MICA: variants seen among roughly 807,000 people sequenced by gnomAD.
MICA encodes the protein HLA class I antigen.
Under a neutral mutation model 34.3 loss-of-function variants are expected in MICA, and 18 were observed. That is an observed-to-expected ratio of 0.52 (90% CI 0.36 to 0.78). The LOEUF is 0.78. MICA is among the 30% of genes least tolerant of loss of function. The pLI, the probability that MICA is intolerant of heterozygous loss-of-function variation, is 0.00. For synonymous variants in MICA, 135 were observed against 156.9 expected (o/e 0.86, Z 1.04); for missense variants, 333 against 409.4 (o/e 0.81, Z 1.61).
chr6:31,404,986 C>G (rs1770672409), intron 1 of MICA, among the ~76,000 whole-genome samples: 1 of 151,648 alleles, frequency 6.6e-6, no homozygotes, highest in Non-Finnish European at 1.5e-5. Context: ...TCTCATCTTT[C>G]AGTGGGAAAG....
chr6:31,410,480 G>A (rs144888775), intron 1 of MICA, 63 bp from the exon 2 acceptor site: 59,825 of 1,580,352 alleles, frequency 0.038, 1,550 homozygotes, highest in African/African-American at 0.061. Flanking sequence ...AGACCTGTGT[G>A]TTAAACATCA....
At chr6:31,402,853 T>G (rs1373824823), upstream of MICA, among the ~76,000 whole-genome samples, 1 of 151,666 alleles carries the variant, frequency 6.6e-6, no homozygotes, top group Admixed American at 6.6e-5. Flanking sequence ...TGGAGAGAGC[T>G]TGGTGTTGTA....
intron 1 of MICA, among the ~76,000 whole-genome samples, chr6:31,407,508 T>A (rs1770814655): frequency 6.6e-6 from 1 of 151,976 alleles, no homozygotes; most frequent in Admixed American, 6.6e-5. Flanking sequence ...AGTGCTGGGA[T>A]TACAGGCATG....
chr6:31,412,314 C>T lies in MICA; in HGVS notation c.893-11C>T, dbSNP rs758015431. 23 of 1,600,688 alleles carry T rather than the reference C, an allele frequency of 1.4e-5. No individual in the cohort carries two copies. The highest frequency in any genetic ancestry group is 2.6e-6 in the Non-Finnish European group (3 of 1,175,720). ...TCTCTGCCCAGTGTATAACAAGTCC[C>T]TTTTTTTCAGGGAAAGTGCTGGTGC... is the stretch of plus-strand genomic sequence containing the variant. On this transcript the variant is annotated splice_polypyrimidine_tract_variant and intron_variant, in intron 4 of 5. Transcript: ENST00000449934.
chr6:31,412,429 T>TAAGAAGAAAACA lies in MICA; in HGVS notation c.998_*10dup. On this transcript the variant is annotated inframe_insertion and stop_retained_variant, in exon 5 of 6. Coordinates refer to ENST00000449934, the MANE Select transcript of MICA (RefSeq NM_001177519.3). ...TTATTATTTTCTATGTCCGTTGTTG[T>TAAGAAGAAAACA]AAGAAGAAAACATCAGCTGCAGAGG... The TAAGAAGAAAACA allele has an allele frequency of 6.4e-7, 1 of 1,572,014 alleles. No homozygotes were observed. Among genetic ancestry groups the TAAGAAGAAAACA allele is most frequent in the Non-Finnish European group, 8.6e-7 (1 of 1,158,430 alleles).
rs1771174073 is a variant in MICA at position 31,411,849 on chromosome 6, C to T, written c.614-98C>T. The stretch of plus-strand genomic sequence containing the variant: ...CTTGCAGGTCAGGGGTCCCGGAGGG[C>T]TTCAGCCAGAGTGAGAACAGTGAAG... On this transcript the variant is annotated intron_variant, in intron 3 of 5. Transcript: ENST00000449934. This position sits in a 1 kb window ranked among gnomAD's most constrained non-coding sequence, Gnocchi z 4.3. 6.7e-7 allele frequency: 1 copy of T among 1,495,732 alleles called. No individual in the cohort carries two copies. The allele number at this position is 1,495,732 out of a possible 1,614,324, so 92.7% of individuals were successfully genotyped here.
intron 5 of MICA, among the ~76,000 whole-genome samples, chr6:31,413,227 G>A (rs1225688313): frequency 6.6e-6 from 1 of 151,800 alleles, no homozygotes; most frequent in Non-Finnish European, 1.5e-5. Context: ...GATGTCCCTG[G>A]GCCATTTGAG....
chr6:31,410,448 G>C lies in MICA; in HGVS notation c.71-95G>C, dbSNP rs572740953. 9.4e-5 allele frequency: 105 copies of C among 1,113,492 alleles called. No homozygotes were observed. In the Middle Eastern group the frequency reaches 2.0e-3, roughly 21 times the overall value. The allele number at this position is 1,113,492 out of a possible 1,614,324, so 69.0% of individuals were successfully genotyped here. Reference sequence around the variant, plus strand: ...GTCCCTTTGCCCGTGTGCATTTCCTGCCCCAGGAAGGTTGGGACAGCAGAC... The same window carrying C: ...GTCCCTTTGCCCGTGTGCATTTCCTCCCCCAGGAAGGTTGGGACAGCAGAC... On this transcript the variant is annotated intron_variant, in intron 1 of 5. Coordinates refer to ENST00000449934, the MANE Select transcript of MICA (RefSeq NM_001177519.3).
Position 31,412,024 on chromosome 6 carries a change from T to A in MICA, c.691T>A (p.Tyr231Asn). The change falls in exon 4 of 6, where the codon TAT becomes AAT. Residue 231 changes from tyrosine (Y) to asparagine (N), a missense_variant. Coordinates refer to ENST00000449934, the MANE Select transcript of MICA (RefSeq NM_001177519.3). The part of the protein sequence containing the change: ...ITVTCRASSF[Y>N]PRNIILTWRQ... ...CGTGACATGCAGGGCTTCCAGCTTC[T>A]ATCCCCGGAATATCATACTGACCTG... 6.2e-7 allele frequency: 1 copy of A among 1,613,144 alleles called. No individual in the cohort carries two copies. Among genetic ancestry groups the A allele is most frequent in the East Asian group, 2.2e-5 (1 of 44,828 alleles).
chr6:31,401,947 G>C (rs36223705), upstream of MICA, among the ~76,000 whole-genome samples: 436 of 151,916 alleles, frequency 2.9e-3, 14 homozygotes, highest in East Asian at 0.051. Context: ...GTGCGTTGGG[G>C]ACAAGGCAAT....
intron 1 of MICA, among the ~76,000 whole-genome samples, chr6:31,405,466 G>A (rs1770700302): frequency 6.6e-6 from 1 of 151,228 alleles, no homozygotes; most frequent in African/African-American, 2.4e-5. Flanking sequence ...ATATTTATGG[G>A]GTACATGGGA....
At chr6:31,408,563 C>T (rs1366607060) in intron 1 of MICA, among the ~76,000 whole-genome samples, 3 of 151,870 alleles carry the variant, frequency 2.0e-5, no homozygotes, top group East Asian at 1.9e-4. Flanking sequence ...GCCCATTAAT[C>T]GGTAACTCCC....
intron 2 of MICA, 131 bp from the exon 3 acceptor site, chr6:31,410,941 G>A: frequency 1.4e-6 from 2 of 1,467,668 alleles, no homozygotes; most frequent in Non-Finnish European, 1.8e-6. Context: ...GCAGGGAGGT[G>A]AGCCGGCACT....
chr6:31,407,975 G>C (rs1202081233), intron 1 of MICA, among the ~76,000 whole-genome samples: 3 of 151,846 alleles, frequency 2.0e-5, no homozygotes. Flanking sequence ...TATGTTACTA[G>C]CTGTGAGTTT....
At chr6:31,409,319 G>GTT (rs1267674447) in intron 1 of MICA, among the ~76,000 whole-genome samples, 1 of 151,538 alleles carries the variant, frequency 6.6e-6, no homozygotes, top group African/African-American at 2.4e-5. Flanking sequence ...CTGTGTGTGT[G>GTT]TGTATGTGTG....
chr6:31,401,360 A>C (rs1199872149), upstream of MICA, among the ~76,000 whole-genome samples: 4 of 151,956 alleles, frequency 2.6e-5, no homozygotes, highest in African/African-American at 9.7e-5. Flanking sequence ...TTACATTTTC[A>C]TCCACAGAAA....
intron 1 of MICA, among the ~76,000 whole-genome samples, chr6:31,407,300 G>C (rs1477531223): frequency 1.3e-5 from 2 of 151,944 alleles, no homozygotes; most frequent in Non-Finnish European, 2.9e-5. Context: ...GCAAGGGTGT[G>C]ATCTTGGCTC....
chr6:31,412,249 A>G, intron 4 of MICA, 24 bp downstream of exon 4: 1 of 1,606,434 alleles, frequency 6.2e-7, no homozygotes, highest in Non-Finnish European at 8.5e-7. Flanking sequence ...GACCCTGGAG[A>G]GGGTCAGGCC....
rs142846501 is a variant in MICA, at chr6:31,414,104, C to T, written c.*30-908C>T. The stretch of plus-strand genomic sequence containing the variant: ...TGAAACAGGAACTCAAATTTGGAGC[C>T]CCCTCTCCAGGAGGTTCTGTGTGGA... On this transcript the variant is annotated intron_variant, in intron 5 of 5. Coordinates refer to ENST00000449934, the MANE Select transcript of MICA (RefSeq NM_001177519.3). Among the ~76,000 whole-genome samples, 1,183 of 152,012 alleles carry T rather than the reference C, an allele frequency of 7.8e-3. 29 individuals carry two copies. Among genetic ancestry groups the T allele is most frequent in the African/African-American group, 0.016 (653 of 41,408 alleles).
Sources: allele counts gnomAD v4.1 joint callset (sites outside exome capture counted in the v4.1 genomes callset), GRCh38; gene constraint gnomAD v4.1.1; non-coding constraint Gnocchi (gnomAD v3.1); transcripts MANE v1.5; gene names NCBI Gene and HGNC (gene_info 2026-07-23, HGNC 2026-07-21).